Variants in FER observed in about 807,000 individuals in gnomAD.
FER encodes the protein tyrosine-protein kinase Fer.
Under a neutral mutation model 111.0 loss-of-function variants are expected in FER, and 63 were observed. The ratio of observed to expected loss-of-function variants is 0.57; its 90% confidence interval spans 0.46 to 0.70. The LOEUF (loss-of-function observed/expected upper bound fraction) is 0.70. Among genes scored for constraint, FER ranks in the 30% least tolerant of loss-of-function variants. The pLI, the probability that FER is intolerant of heterozygous loss-of-function variation, is 0.00. For synonymous variants in FER, 327 were observed against 313.9 expected (o/e 1.04, Z -0.44); for missense variants, 914 against 954.0 (o/e 0.96, Z 0.55).
chr5:108,786,872 G>T (rs188185417), intron 2 of FER, among the ~76,000 whole-genome samples: 1 of 152,276 alleles, frequency 6.6e-6, no homozygotes, highest in Admixed American at 6.5e-5. Context: ...ACTGCTTGAT[G>T]ATGAGATTTT....
intron 17 of FER, among the ~76,000 whole-genome samples, chr5:109,111,303 T>C (rs574603557): frequency 6.6e-6 from 1 of 152,286 alleles, no homozygotes; most frequent in South Asian, 2.1e-4. Flanking sequence ...AGATCATGGC[T>C]AATTTTTGGA....
At chr5:109,040,213 G>C (rs1770961486) in intron 14 of FER, among the ~76,000 whole-genome samples, 1 of 152,058 alleles carries the variant, frequency 6.6e-6, no homozygotes, top group South Asian at 2.1e-4. Context: ...AAAGAGGTCT[G>C]AGTCAAAAGT....
At chr5:108,881,208 A>G (rs1181409608) in intron 8 of FER, among the ~76,000 whole-genome samples, 1 of 152,128 alleles carries the variant, frequency 6.6e-6, no homozygotes, top group Non-Finnish European at 1.5e-5. Context: ...TGTTTTCACG[A>G]TGCTGATAAA....
intron 5 of FER, among the ~76,000 whole-genome samples, chr5:108,849,565 T>C (rs1762354261): frequency 6.6e-6 from 1 of 152,182 alleles, no homozygotes; most frequent in Admixed American, 6.5e-5. Flanking sequence ...AAACCTTTTA[T>C]ATATCTACTT....
At chr5:109,124,038 A>G (rs1040797675) in intron 17 of FER, among the ~76,000 whole-genome samples, 1 of 152,138 alleles carries the variant, frequency 6.6e-6, no homozygotes, top group African/African-American at 2.4e-5. Context: ...TAACCTGAGC[A>G]ACATGGCAAA....
chr5:108,941,918 G>A (rs1181197575), intron 10 of FER, among the ~76,000 whole-genome samples: 1 of 152,088 alleles, frequency 6.6e-6, no homozygotes, highest in African/African-American at 2.4e-5. Context: ...GAAAACTATG[G>A]ACTCTTGAGT....
chr5:109,033,596 GA>G (rs1769945906), intron 13 of FER, among the ~76,000 whole-genome samples: 1 of 152,058 alleles, frequency 6.6e-6, no homozygotes, highest in Admixed American at 6.6e-5. Flanking sequence ...TCATATAACT[GA>G]AATTGAATGT....
chr5:108,749,129 A>C (rs1750125993), intron 1 of FER: 1 of 152,360 alleles, frequency 6.6e-6, no homozygotes, highest in Non-Finnish European at 1.5e-5. Context: ...GGATTCGGCC[A>C]GGGCGTTGGG....
intron 5 of FER, among the ~76,000 whole-genome samples, chr5:108,845,677 C>A (rs1761963947): frequency 6.6e-6 from 1 of 151,986 alleles, no homozygotes; most frequent in African/African-American, 2.4e-5. Flanking sequence ...GTGAGAGGAG[C>A]AAACAATGTT....
intron 1 of FER, among the ~76,000 whole-genome samples, chr5:108,755,210 A>G (rs1450657978): frequency 1.3e-5 from 2 of 152,178 alleles, no homozygotes; most frequent in African/African-American, 2.4e-5. Context: ...TGTATCCTAT[A>G]GTTTGCAGAA....
At chr5:108,894,333 A>G (rs1748695303) in intron 9 of FER, 1 of 946,070 alleles carries the variant, frequency 1.1e-6, no homozygotes, top group Non-Finnish European at 1.4e-6. Flanking sequence ...GGGGAAGAGG[A>G]GGAGGAGCCA....
At chr5:108,791,463 A>G (rs1425629592) in intron 2 of FER, among the ~76,000 whole-genome samples, 1 of 151,176 alleles carries the variant, frequency 6.6e-6, no homozygotes, top group Non-Finnish European at 1.5e-5. Context: ...TCCTTTGTCC[A>G]TTTTTTTGTT....
intron 14 of FER, 41 bp downstream of exon 14, chr5:109,037,519 T>C (rs1770568735): frequency 6.4e-7 from 1 of 1,552,772 alleles, no homozygotes; most frequent in South Asian, 1.1e-5. Flanking sequence ...AGTCTCTATA[T>C]TGATTGTGAA....
chr5:109,180,917 A>T lies in FER; in HGVS notation c.2203+16A>T, dbSNP rs772445447. On this transcript the variant is annotated intron_variant, in intron 18 of 19. Coordinates refer to ENST00000281092, the MANE Select transcript of FER (RefSeq NM_005246.4). ...CTTAATTATGGTAAGAATAGACCAC[A>T]TTTTTTTTTTAATGGTAAAAATGAA... is the stretch of plus-strand genomic sequence containing the variant. 8.2e-6 allele frequency: 10 copies of T among 1,216,324 alleles called. No individual in the cohort carries two copies. The African/African-American group carries it at 1.3e-4, about 15-fold the overall frequency. 75.3% of individuals were successfully genotyped at this position (1,216,324 alleles called of 1,614,324 possible). A position where few individuals can be genotyped will look rare whatever the true frequency, so the allele number is the denominator to read the frequency against.
chr5:108,785,368 C>A, intron 2 of FER: 1 of 582,834 alleles, frequency 1.7e-6, no homozygotes, highest in Non-Finnish European at 3.4e-6. Context: ...TGGGCCCCAG[C>A]ATCAAGATCT....
chr5:108,979,191 T>C (rs1427620511), intron 13 of FER, among the ~76,000 whole-genome samples: 2 of 152,218 alleles, frequency 1.3e-5, no homozygotes, highest in African/African-American at 2.4e-5. Flanking sequence ...TATTCTTTCC[T>C]GTAAAGTTCT....
At chr5:109,129,169 T>A (rs1304701646) in intron 17 of FER, among the ~76,000 whole-genome samples, 1 of 152,012 alleles carries the variant, frequency 6.6e-6, no homozygotes, top group Non-Finnish European at 1.5e-5. Context: ...GGCAGAGGAA[T>A]AAAGTCAGAT....
chr5:108,818,412 C>T (rs1368851807), intron 3 of FER, among the ~76,000 whole-genome samples: 1 of 151,978 alleles, frequency 6.6e-6, no homozygotes, highest in Non-Finnish European at 1.5e-5. Flanking sequence ...TGCACTCTAA[C>T]CTGGGTGACA....
At chr5:108,836,439 G>A (rs1760669152) in intron 5 of FER, among the ~76,000 whole-genome samples, 1 of 152,036 alleles carries the variant, frequency 6.6e-6, no homozygotes, top group Admixed American at 6.5e-5. Flanking sequence ...TTTGGCTGTT[G>A]CTATAATTGG....
Sources: gnomAD v4.1 joint callset for allele counts (sites outside exome capture counted in the v4.1 genomes callset) on GRCh38, gnomAD v4.1.1 for gene constraint, MANE v1.5 for transcripts, NCBI Gene and HGNC (gene_info 2026-07-23, HGNC 2026-07-21) for gene names.